Variants in RAP1GAP2 observed in about 807,000 individuals in gnomAD.
RAP1GAP2 encodes the protein RAP1 GTPase activating protein 2, also known as rap1 GTPase-activating protein 2.
In RAP1GAP2, 27 loss-of-function variants were observed where a neutral mutation model predicts 95.0. The ratio of observed to expected loss-of-function variants is 0.28; its 90% CI spans 0.21 to 0.39. RAP1GAP2 has a LOEUF of 0.39. Among genes scored for constraint, RAP1GAP2 ranks in the 10% least tolerant of loss-of-function variants. The pLI is 1.00. For synonymous variants in RAP1GAP2, 373 were observed against 380.9 expected (o/e 0.98, Z 0.24); for missense variants, 771 against 970.0 (o/e 0.79, Z 2.72).
At chr17:2,846,176 C>G (rs947389545) in intron 2 of RAP1GAP2, among the ~76,000 whole-genome samples, 3 of 149,516 alleles carry the variant, frequency 2.0e-5, no homozygotes, top group African/African-American at 7.4e-5. Flanking sequence ...GTGCGAGACT[C>G]TGTCTCAATT....
At chr17:2,779,938 G>A (rs1243929323) in intron 1 of RAP1GAP2, among the ~76,000 whole-genome samples, 4 of 152,060 alleles carry the variant, frequency 2.6e-5, no homozygotes, top group African/African-American at 7.2e-5. Flanking sequence ...CCAAATGGGA[G>A]GGGGATGAGG....
chr17:2,873,305 CAA>C (rs377575894), intron 2 of RAP1GAP2, among the ~76,000 whole-genome samples: 1,771 of 95,560 alleles, frequency 0.019, 46 homozygotes, highest in African/African-American at 0.063. Context: ...ACCAAAAATA[CAA>C]AAAAAAAAAA....
intron 2 of RAP1GAP2, 106 bp downstream of exon 2, chr17:2,800,656 T>C: frequency 8.1e-7 from 1 of 1,229,492 alleles, no homozygotes; most frequent in East Asian, 2.5e-5. Flanking sequence ...GCTGTCGTGT[T>C]TGTCAGATTC....
At chr17:2,962,538 G>A in intron 4 of RAP1GAP2, 132 bp from the exon 5 acceptor site, 1 of 963,352 alleles carries the variant, frequency 1.0e-6, no homozygotes. Flanking sequence ...GGTGTGATGT[G>A]TGCAGGCCCA....
chr17:2,843,654 G>T (rs939931767), intron 2 of RAP1GAP2, among the ~76,000 whole-genome samples: 7 of 151,756 alleles, frequency 4.6e-5, no homozygotes, highest in African/African-American at 1.7e-4. Flanking sequence ...CCACTACCTT[G>T]CAGGGTGGGG....
intron 2 of RAP1GAP2, among the ~76,000 whole-genome samples, chr17:2,823,297 CA>C (rs1170757938): frequency 3.3e-5 from 5 of 152,090 alleles, no homozygotes; most frequent in Admixed American, 6.6e-5. Context: ...TTTGGTCTCC[CA>C]CCCCGGGGCC....
intron 14 of RAP1GAP2, among the ~76,000 whole-genome samples, chr17:2,999,796 A>C (rs926177938): frequency 6.6e-6 from 1 of 151,212 alleles, no homozygotes; most frequent in Non-Finnish European, 1.5e-5. Flanking sequence ...AAAAAAAAAA[A>C]CAGAACAAAA....
At chr17:2,844,197 T>C (rs2071486506) in intron 2 of RAP1GAP2, among the ~76,000 whole-genome samples, 1 of 151,994 alleles carries the variant, frequency 6.6e-6, no homozygotes, top group Admixed American at 6.6e-5. Flanking sequence ...ATATTTTGTA[T>C]TTTTAGTAGA....
chr17:2,939,385 C>A (rs116056824), intron 3 of RAP1GAP2, among the ~76,000 whole-genome samples: 3 of 152,262 alleles, frequency 2.0e-5, no homozygotes, highest in Non-Finnish European at 4.4e-5. Flanking sequence ...CCGCCTTGCC[C>A]GGCGCACTTA....
At position 2,903,032 on chromosome 17, in the gene RAP1GAP2, C is replaced by T. The variant is rs1597565269; in HGVS notation, c.81-2252C>T. The stretch of plus-strand genomic sequence containing the variant: ...TCTGGACTGTGTGTTTCTGGAGAGC[C>T]AGGGCTGCTGTCCATCAAGGTGCCT... On this transcript the variant is annotated intron_variant, in intron 2 of 24. Transcript: ENST00000254695. This position sits in a 1 kb window ranked among gnomAD's most constrained non-coding sequence, Gnocchi z 4.1. Among the ~76,000 whole-genome samples, 1 of 152,152 alleles carries T rather than the reference C, an allele frequency of 6.6e-6. No homozygotes were observed. The highest frequency in any genetic ancestry group is 6.6e-5 in the Admixed American group (1 of 15,266).
intron 2 of RAP1GAP2, among the ~76,000 whole-genome samples, chr17:2,823,709 C>G (rs2151525686): frequency 6.6e-6 from 1 of 152,272 alleles, no homozygotes; most frequent in African/African-American, 2.4e-5. Context: ...AAAGAGGCAA[C>G]TACATAATCA....
intron 11 of RAP1GAP2, among the ~76,000 whole-genome samples, chr17:2,986,916 G>A (rs2045576500): frequency 6.6e-6 from 1 of 152,188 alleles, no homozygotes; most frequent in South Asian, 2.1e-4. Context: ...CATGACCTGG[G>A]GCAAGTAGGA....
chr17:2,942,926 G>A (rs1427369776), intron 3 of RAP1GAP2, among the ~76,000 whole-genome samples: 5 of 151,878 alleles, frequency 3.3e-5, no homozygotes, highest in African/African-American at 7.3e-5. Flanking sequence ...CACCACCCAC[G>A]CCTAGCTAAT....
intron 10 of RAP1GAP2, 24 bp downstream of exon 10, chr17:2,981,272 A>G: frequency 1.3e-6 from 2 of 1,591,830 alleles, no homozygotes; most frequent in Non-Finnish European, 1.7e-6. Context: ...TGCTCCCAAC[A>G]TAGGGGCCCT....
At chr17:2,774,720 C>T (rs547746745), upstream of RAP1GAP2, among the ~76,000 whole-genome samples, 5 of 152,020 alleles carry the variant, frequency 3.3e-5, no homozygotes, top group East Asian at 7.7e-4. Context: ...ATCCACCCAC[C>T]TTGGCCTCCC....
intron 2 of RAP1GAP2, among the ~76,000 whole-genome samples, chr17:2,875,309 T>C (rs1450372926): frequency 1.3e-5 from 2 of 152,088 alleles, no homozygotes; most frequent in African/African-American, 2.4e-5. Flanking sequence ...TCAGGTGGTC[T>C]GCCTGCCTCG....
chr17:2,894,551 T>A (rs140240254), intron 2 of RAP1GAP2, among the ~76,000 whole-genome samples: 32 of 152,052 alleles, frequency 2.1e-4, no homozygotes, highest in Non-Finnish European at 4.4e-4. Context: ...TCTGCTTAGG[T>A]TTTAGTGCTG....
At chr17:2,946,254 C>A (rs1388105369) in intron 3 of RAP1GAP2, among the ~76,000 whole-genome samples, 1 of 152,062 alleles carries the variant, frequency 6.6e-6, no homozygotes, top group African/African-American at 2.4e-5. Context: ...TCTGTGGTTC[C>A]TTTGTGTCAC....
In RAP1GAP2 at chr17:2,855,147, T is replaced by C. The variant is rs553886659; in HGVS notation, c.81-50137T>C. Among the ~76,000 whole-genome samples, 1 of 152,318 alleles carries C rather than the reference T, an allele frequency of 6.6e-6. No individual in the cohort carries two copies. Among genetic ancestry groups the C allele is most frequent in the East Asian group, 1.9e-4 (1 of 5,188 alleles). On this transcript the variant is annotated intron_variant, in intron 2 of 24. Transcript: ENST00000254695. This position sits in a 1 kb window ranked among gnomAD's most constrained non-coding sequence, Gnocchi z 4.3. Reference sequence around the variant, plus strand: ...GAGAAGCTGGCATGGATTGCCCTTGTGGTGGGTTGTCCCCCATTCCTCTCG... The same window carrying C: ...GAGAAGCTGGCATGGATTGCCCTTGCGGTGGGTTGTCCCCCATTCCTCTCG...
Sources: allele counts gnomAD v4.1 joint callset (sites outside exome capture counted in the v4.1 genomes callset), GRCh38; gene constraint gnomAD v4.1.1; non-coding constraint Gnocchi (gnomAD v3.1); transcripts MANE v1.5; gene names NCBI Gene and HGNC (gene_info 2026-07-23, HGNC 2026-07-21).